The following SCUBE1 variants were observed in gnomAD, a reference collection of about 807,000 sequenced individuals.
SCUBE1 encodes signal peptide, CUB and EGF-like domain-containing protein 1.
In SCUBE1, 59 loss-of-function variants were observed where a neutral mutation model predicts 124.4. That is an observed-to-expected ratio of 0.47 (90% CI 0.38 to 0.59). The LOEUF (loss-of-function observed/expected upper bound fraction) is 0.59, where lower values mean the gene tolerates loss of function less well. SCUBE1 is among the 20% of genes least tolerant of loss of function. The pLI is 0.00. For missense variants in SCUBE1, 1,150 were observed against 1,371.2 expected (o/e 0.84, Z 2.55); for synonymous variants, 545 against 550.9 (o/e 0.99, Z 0.15).
intron 4 of SCUBE1, among the ~76,000 whole-genome samples, chr22:43,290,660 A>G (rs577941988): frequency 3.5e-4 from 53 of 152,342 alleles, no homozygotes; most frequent in African/African-American, 1.2e-3. Flanking sequence ...TGCCAGGCTC[A>G]TGGAGACAGA....
chr22:43,225,034 A>G (rs1250174551), intron 10 of SCUBE1, among the ~76,000 whole-genome samples: 5 of 152,216 alleles, frequency 3.3e-5, no homozygotes, highest in African/African-American at 1.2e-4. Flanking sequence ...AATATATTTA[A>G]GAGGAGCTCT....
chr22:43,230,060 T>C (rs142985725), intron 8 of SCUBE1, among the ~76,000 whole-genome samples: 14 of 152,336 alleles, frequency 9.2e-5, no homozygotes, highest in Admixed American at 5.2e-4. Flanking sequence ...AAATTGTGCA[T>C]GGTGCTCAAA....
At chr22:43,237,319 G>C (rs1922809845) in intron 7 of SCUBE1, among the ~76,000 whole-genome samples, 1 of 152,190 alleles carries the variant, frequency 6.6e-6, no homozygotes, top group South Asian at 2.1e-4. Flanking sequence ...AGACAGGGTG[G>C]CTCCTGGCCT....
At chr22:43,280,244 G>A (rs1406917792) in intron 4 of SCUBE1, among the ~76,000 whole-genome samples, 3 of 152,036 alleles carry the variant, frequency 2.0e-5, no homozygotes, top group African/African-American at 4.8e-5. Flanking sequence ...AAGAGAACAA[G>A]GCCCCACCTT....
intron 21 of SCUBE1, among the ~76,000 whole-genome samples, chr22:43,205,324 C>T (rs1052752045): frequency 2.6e-5 from 4 of 152,192 alleles, no homozygotes; most frequent in African/African-American, 9.6e-5. Flanking sequence ...CCTCTCTGAG[C>T]CCCAGTGTCT....
chr22:43,288,119 A>C (rs920487186), intron 4 of SCUBE1, among the ~76,000 whole-genome samples: 5 of 152,172 alleles, frequency 3.3e-5, no homozygotes, highest in Non-Finnish European at 5.9e-5. Flanking sequence ...GGCCACACAA[A>C]AATCGTAAGG....
chr22:43,222,820 G>A (rs1922152368), intron 11 of SCUBE1, 78 bp from the exon 12 acceptor site: 1 of 1,180,056 alleles, frequency 8.5e-7, no homozygotes, highest in Admixed American at 2.0e-5. Context: ...GCCTCAGAGG[G>A]ATTGTGGAGT....
chr22:43,286,424 C>T (rs566437376), intron 4 of SCUBE1, among the ~76,000 whole-genome samples: 65 of 152,360 alleles, frequency 4.3e-4, no homozygotes, highest in African/African-American at 5.8e-4. Context: ...AGCCCACAGG[C>T]GGCGTCTGAT....
chr22:43,198,905 G>A lies in SCUBE1; in HGVS notation c.*5092C>T, dbSNP rs1920962674. On this transcript the variant is annotated 3_prime_UTR_variant, in exon 22 of 22. Coordinates refer to ENST00000360835, the MANE Select transcript of SCUBE1 (RefSeq NM_173050.5). ...AGTTTGCTGTCTGCTTTCCGGGGCA[G>A]TTTGTCTGTCTGCTGTCTGGGGCAG... The A allele has an allele frequency of 2.7e-6, 1 of 375,188 alleles. No individual in the cohort carries two copies. Among genetic ancestry groups the A allele is most frequent in the African/African-American group, 2.1e-5 (1 of 47,238 alleles). The allele number at this position is 375,188 out of a possible 1,614,324, so 23.2% of individuals were successfully genotyped here.
intron 2 of SCUBE1, among the ~76,000 whole-genome samples, chr22:43,338,075 GTGTCTGTC>G (rs1927143109): frequency 1.3e-5 from 2 of 152,258 alleles, no homozygotes; most frequent in Admixed American, 1.3e-4. Context: ...CCATCCAGGG[GTGTCTGTC>G]TGTCTCGGAG....
At chr22:43,206,462 G>A (rs1921285951) in intron 21 of SCUBE1, among the ~76,000 whole-genome samples, 1 of 152,148 alleles carries the variant, frequency 6.6e-6, no homozygotes, top group Non-Finnish European at 1.5e-5. Flanking sequence ...CCTCTGTGCT[G>A]TGGGGGCAGG....
chr22:43,325,292 T>G (rs1926685416), intron 2 of SCUBE1, among the ~76,000 whole-genome samples: 1 of 151,930 alleles, frequency 6.6e-6, no homozygotes, highest in South Asian at 2.1e-4. Context: ...TACTTCATGC[T>G]CCTAGCCAGG....
chr22:43,261,960 G>A (rs1418979550), intron 5 of SCUBE1, among the ~76,000 whole-genome samples: 2 of 152,118 alleles, frequency 1.3e-5, no homozygotes, highest in African/African-American at 4.8e-5. Context: ...TTCAGCCATC[G>A]TTCTACTTGG....
intron 21 of SCUBE1, among the ~76,000 whole-genome samples, chr22:43,205,683 ACT>A (rs1408830592): frequency 2.0e-5 from 2 of 99,630 alleles, no homozygotes; most frequent in Admixed American, 2.1e-4. Flanking sequence ...CTCACCACTC[ACT>A]CACCCCCACA....
At chr22:43,248,660 A>C (rs765114853) in intron 6 of SCUBE1, among the ~76,000 whole-genome samples, 8 of 152,232 alleles carry the variant, frequency 5.3e-5, no homozygotes, top group Non-Finnish European at 1.2e-4. Context: ...GTGGGCAGGG[A>C]GGCCACGACT....
Position 43,258,155 on chromosome 22 carries a change from T to A in SCUBE1, c.727+64A>T. The A allele has an allele frequency of 2.9e-6, 3 of 1,019,594 alleles. No homozygotes were observed. In the South Asian group the frequency reaches 3.8e-5, roughly 13 times the overall value. The allele number at this position is 1,019,594 out of a possible 1,614,324, so 63.2% of individuals were successfully genotyped here. A position where few individuals can be genotyped will look rare whatever the true frequency, so the allele number is the denominator to read the frequency against. On this transcript the variant is annotated intron_variant, in intron 6 of 21. Transcript: ENST00000360835. The surrounding 1 kb of genome is among the most constrained non-coding windows in gnomAD (Gnocchi z 5.0). ...CGTGGCAGGGTGCTGGCCCTGCTGG[T>A]GCACGCATGGGGGGTCGGGGGCGGG...
At chr22:43,205,890 TCAC>T (rs1921239064) in intron 21 of SCUBE1, among the ~76,000 whole-genome samples, 1 of 18,142 alleles carries the variant, frequency 5.5e-5, no homozygotes, top group Non-Finnish European at 1.0e-4. Flanking sequence ...CACACACCCC[TCAC>T]CACAAACACC....
At chr22:43,204,822 T>C (rs1326330484) in intron 21 of SCUBE1, among the ~76,000 whole-genome samples, 1 of 151,316 alleles carries the variant, frequency 6.6e-6, no homozygotes, top group Non-Finnish European at 1.5e-5. Context: ...CGCATGCCTG[T>C]AATCCCAGCA....
At chr22:43,231,260 A>C (rs1033356694) in intron 8 of SCUBE1, among the ~76,000 whole-genome samples, 7 of 152,144 alleles carry the variant, frequency 4.6e-5, no homozygotes, top group African/African-American at 1.7e-4. Context: ...CCCGCTCTGC[A>C]CTGCCAGCCT....
Sources: allele counts gnomAD v4.1 joint callset (sites outside exome capture counted in the v4.1 genomes callset), GRCh38; gene constraint gnomAD v4.1.1; non-coding constraint Gnocchi (gnomAD v3.1); transcripts MANE v1.5; gene names NCBI Gene and HGNC (gene_info 2026-07-23, HGNC 2026-07-21).